The following RHBDD1 variants were observed in gnomAD, a reference collection of about 807,000 sequenced individuals.
The protein encoded by RHBDD1 is rhomboid domain containing 1, also known as rhomboid-related protein 4.
In RHBDD1, 38 loss-of-function variants were observed where a neutral mutation model predicts 36.3. That is an observed-to-expected ratio of 1.05 (90% CI 0.81 to 1.37). The LOEUF (loss-of-function observed/expected upper bound fraction) is 1.37, where lower values mean the gene tolerates loss of function less well. RHBDD1 is among the 40% of genes most tolerant of loss of function. The pLI is 0.00. For synonymous variants in RHBDD1, 151 were observed against 136.5 expected (o/e 1.11, Z -0.74); for missense variants, 393 against 377.6 (o/e 1.04, Z -0.34).
intron 8 of RHBDD1, among the ~76,000 whole-genome samples, chr2:226,967,538 C>A (rs564365567): frequency 7.8e-6 from 1 of 127,476 alleles, no homozygotes; most frequent in Non-Finnish European, 1.6e-5. Context: ...TCCCCCCTCC[C>A]TTATCCCACC....
At chr2:226,922,234 G>C (rs1949372321) in intron 8 of RHBDD1, among the ~76,000 whole-genome samples, 1 of 128,324 alleles carries the variant, frequency 7.8e-6, no homozygotes, top group East Asian at 2.4e-4. Flanking sequence ...TTGAGACGGA[G>C]TCTCACTCTG....
intron 8 of RHBDD1, among the ~76,000 whole-genome samples, chr2:226,948,582 A>T (rs1322964442): frequency 1.7e-5 from 2 of 119,126 alleles, no homozygotes; most frequent in South Asian, 2.7e-4. Flanking sequence ...AAAAAAAAAA[A>T]AAACGAAAAA....
intron 8 of RHBDD1, among the ~76,000 whole-genome samples, chr2:226,973,293 A>G (rs1953931247): frequency 6.6e-6 from 1 of 152,236 alleles, no homozygotes; most frequent in African/African-American, 2.4e-5. Flanking sequence ...CCTGGCATCA[A>G]GTTAAGGAAA....
At chr2:226,883,375 A>G (rs1232003482) in intron 5 of RHBDD1, among the ~76,000 whole-genome samples, 1 of 152,252 alleles carries the variant, frequency 6.6e-6, no homozygotes, top group Non-Finnish European at 1.5e-5. Flanking sequence ...TCGATATGAG[A>G]CATTTCTATA....
At chr2:226,915,810 A>G (rs1320889511) in intron 8 of RHBDD1, among the ~76,000 whole-genome samples, 2 of 152,200 alleles carry the variant, frequency 1.3e-5, no homozygotes, top group African/African-American at 4.8e-5. Flanking sequence ...AACTGTGATG[A>G]TGTATCAGTA....
chr2:226,985,076 G>C (rs1365794638), intron 8 of RHBDD1, among the ~76,000 whole-genome samples: 1 of 152,126 alleles, frequency 6.6e-6, no homozygotes, highest in Non-Finnish European at 1.5e-5. Flanking sequence ...ATCCAGGATT[G>C]ATTGTCTTAT....
At chr2:226,928,954 A>T (rs1949842555) in intron 8 of RHBDD1, among the ~76,000 whole-genome samples, 1 of 152,096 alleles carries the variant, frequency 6.6e-6, no homozygotes, top group South Asian at 2.1e-4. Context: ...TTTAATCAGC[A>T]AGAAATAGAA....
chr2:226,864,127 A>G (rs1944105648), intron 3 of RHBDD1, among the ~76,000 whole-genome samples: 1 of 152,156 alleles, frequency 6.6e-6, no homozygotes, highest in South Asian at 2.1e-4. Flanking sequence ...GATTAAAGAT[A>G]ATGTATGCTC....
intron 5 of RHBDD1, among the ~76,000 whole-genome samples, chr2:226,868,071 T>G (rs1944487154): frequency 1.3e-5 from 2 of 152,192 alleles, no homozygotes; most frequent in South Asian, 4.1e-4. Flanking sequence ...GTAGAACTTT[T>G]TAAACAAAAG....
In RHBDD1 at chr2:226,995,483, A is replaced by C; in HGVS notation, c.909A>C (p.Glu303Asp). 3 of 1,613,468 alleles carry C rather than the reference A, an allele frequency of 1.9e-6. No homozygotes were observed. The highest frequency in any genetic ancestry group is 2.5e-6 in the Non-Finnish European group (3 of 1,179,724). Residue 303 changes from glutamate to aspartate, a missense_variant, in exon 9 of 9, where the codon GAA becomes GAC. Coordinates refer to ENST00000392062, the MANE Select transcript of RHBDD1 (RefSeq NM_001167608.3). Reference protein sequence around the residue: ...PPYGFHLSPEEMRRQRLHRFD... With the variant: ...PPYGFHLSPEDMRRQRLHRFD... ...ACGGGTTTCATCTCTCACCAGAAGA[A>C]ATGAGGAGACAGCGGCTTCACAGAT...
intron 5 of RHBDD1, among the ~76,000 whole-genome samples, chr2:226,879,886 G>A (rs1372977400): frequency 6.6e-6 from 1 of 152,208 alleles, no homozygotes; most frequent in Non-Finnish European, 1.5e-5. Flanking sequence ...GTTGGTGTCT[G>A]TGGCAGCTCT....
intron 8 of RHBDD1, among the ~76,000 whole-genome samples, chr2:226,990,917 ACC>A (rs1958051521): frequency 6.6e-6 from 1 of 152,166 alleles, no homozygotes; most frequent in Admixed American, 6.5e-5. Context: ...GGGCCGTTTC[ACC>A]CAGGCCTGTA....
Position 226,901,930 on chromosome 2 carries a change from C to T in RHBDD1, c.567-4863C>T, listed in dbSNP as rs370616622. On this transcript the variant is annotated intron_variant, in intron 5 of 8. Transcript: ENST00000392062. Reference sequence around the variant, plus strand: ...ATGTGTAATTGAAATTCCACTCTTCCTCTCATCTGATAGTTACGTACTGAG... The same window carrying T: ...ATGTGTAATTGAAATTCCACTCTTCTTCTCATCTGATAGTTACGTACTGAG... 3.9e-5 allele frequency among the ~76,000 whole-genome samples: 6 copies of T among 152,172 alleles called. No homozygotes were observed. In the South Asian group the frequency reaches 6.2e-4, roughly 16 times the overall value.
chr2:226,892,838 C>T (rs1343055948), intron 5 of RHBDD1, among the ~76,000 whole-genome samples: 1 of 152,066 alleles, frequency 6.6e-6, no homozygotes, highest in Non-Finnish European at 1.5e-5. Flanking sequence ...AAAAAAATCA[C>T]TAAACAGAAA....
chr2:226,890,551 G>T (rs1001541235), intron 5 of RHBDD1, among the ~76,000 whole-genome samples: 1 of 152,124 alleles, frequency 6.6e-6, no homozygotes, highest in Non-Finnish European at 1.5e-5. Context: ...TTAGCCAAAT[G>T]CTCTTTGAGA....
chr2:226,866,362 G>A (rs572826628), intron 4 of RHBDD1, among the ~76,000 whole-genome samples: 27 of 152,130 alleles, frequency 1.8e-4, no homozygotes, highest in Non-Finnish European at 3.7e-4. Flanking sequence ...GAGCCACTGT[G>A]CCCGGCCTTG....
At chr2:226,973,381 G>A (rs924804246) in intron 8 of RHBDD1, among the ~76,000 whole-genome samples, 17 of 152,188 alleles carry the variant, frequency 1.1e-4, no homozygotes, top group African/African-American at 3.9e-4. Context: ...GCCTGGGGGA[G>A]ATGTCTGGGC....
intron 8 of RHBDD1, among the ~76,000 whole-genome samples, chr2:226,926,745 T>C (rs1344299648): frequency 6.6e-6 from 1 of 152,176 alleles, no homozygotes; most frequent in Non-Finnish European, 1.5e-5. Flanking sequence ...TTTTTCCCTT[T>C]GCTGTTTGCA....
Position 226,995,965 on chromosome 2 carries a change from T to A in RHBDD1, c.*443T>A. 1 of 163,236 alleles carries A rather than the reference T, an allele frequency of 6.1e-6. No homozygotes were observed. Among genetic ancestry groups the A allele is most frequent in the Admixed American group, 6.3e-5 (1 of 15,962 alleles). 10.1% of individuals were successfully genotyped at this position (163,236 alleles called of 1,614,324 possible). On this transcript the variant is annotated 3_prime_UTR_variant, in exon 9 of 9. Transcript: ENST00000392062. ...CCGCGTCCTCCTGGCGCATTGCCAC[T>A]GTGGCTGTCCAGGAACAGGATGTGG...
Sources: gnomAD v4.1 joint callset for allele counts (sites outside exome capture counted in the v4.1 genomes callset) on GRCh38, gnomAD v4.1.1 for gene constraint, MANE v1.5 for transcripts, NCBI Gene and HGNC (gene_info 2026-07-23, HGNC 2026-07-21) for gene names.